Variants in C1orf21 observed in about 807,000 individuals in gnomAD.
The protein encoded by C1orf21 is chromosome 1 open reading frame 21.
Under a neutral mutation model 18.7 loss-of-function variants are expected in C1orf21, and 3 were observed. That is an observed-to-expected ratio of 0.16 (90% CI 0.07 to 0.42). The LOEUF (loss-of-function observed/expected upper bound fraction) is 0.42, where lower values mean the gene tolerates loss of function less well. Among genes scored for constraint, C1orf21 ranks in the 10% least tolerant of loss-of-function variants. C1orf21 has a pLI of 0.99. For synonymous variants in C1orf21, 41 were observed against 46.4 expected, an observed-to-expected ratio of 0.88 and a Z score of 0.47; for missense variants, 104 against 143.6, an observed-to-expected ratio of 0.72 and a Z score of 1.41.
chr1:184,462,562 C>T (rs1657323362), intron 1 of C1orf21, among the ~76,000 whole-genome samples: 1 of 152,030 alleles, frequency 6.6e-6, no homozygotes, highest in African/African-American at 2.4e-5. Flanking sequence ...GGTTACTGAA[C>T]CCTGAATTAC....
chr1:184,469,671 A>G lies in C1orf21; in HGVS notation c.-124-7715A>G, dbSNP rs1657463914. On this transcript the variant is annotated intron_variant, in intron 1 of 5. Coordinates refer to ENST00000235307, the MANE Select transcript of C1orf21 (RefSeq NM_030806.4). The stretch of plus-strand genomic sequence containing the variant: ...ACTGATAGGACATCTGTTTCACTAT[A>G]CTCTCCATCAGCAAATGCTTACGGA... Among the ~76,000 whole-genome samples the G allele has an allele frequency of 2.0e-5, 3 of 152,100 alleles. No individual in the cohort carries two copies. In the South Asian group the frequency reaches 6.2e-4, roughly 32 times the overall value.
intron 3 of C1orf21, among the ~76,000 whole-genome samples, chr1:184,515,899 C>T (rs963015106): frequency 1.3e-5 from 2 of 152,102 alleles, no homozygotes; most frequent in African/African-American, 4.8e-5. Context: ...CTGCAACCTC[C>T]GCCTCCAGGT....
At chr1:184,498,040 C>T (rs61825197) in intron 2 of C1orf21, among the ~76,000 whole-genome samples, 3 of 152,092 alleles carry the variant, frequency 2.0e-5, no homozygotes, top group South Asian at 2.1e-4. Context: ...TTCAGTGCCT[C>T]GCTGTATCTA....
intron 1 of C1orf21, among the ~76,000 whole-genome samples, chr1:184,425,245 A>G (rs1043940170): frequency 6.6e-6 from 1 of 151,864 alleles, no homozygotes; most frequent in African/African-American, 2.4e-5. Flanking sequence ...GCAAACCAGC[A>G]AATTGATGAT....
intron 5 of C1orf21, among the ~76,000 whole-genome samples, chr1:184,603,541 T>G (rs143232499): frequency 0.017 from 2,572 of 152,340 alleles, 32 homozygotes; most frequent in Non-Finnish European, 0.027. Context: ...ACGCCTATAA[T>G]CCCAACACTT....
chr1:184,578,610 A>C (rs974082600), intron 3 of C1orf21, among the ~76,000 whole-genome samples: 6 of 152,194 alleles, frequency 3.9e-5, no homozygotes, highest in African/African-American at 1.4e-4. Flanking sequence ...GCCCAGTTTA[A>C]ATCATCAATA....
At chr1:184,513,954 C>G (rs184246600) in intron 3 of C1orf21, among the ~76,000 whole-genome samples, 20 of 152,198 alleles carry the variant, frequency 1.3e-4, no homozygotes, top group African/African-American at 4.6e-4. Context: ...AATGTGCAGC[C>G]CTAGTCAGTG....
At chr1:184,427,502 G>A (rs548708163) in intron 1 of C1orf21, among the ~76,000 whole-genome samples, 1 of 152,218 alleles carries the variant, frequency 6.6e-6, no homozygotes, top group African/African-American at 2.4e-5. Context: ...TTAGGGGTAG[G>A]AAAGAAGTGA....
chr1:184,594,772 A>C (rs566277443), intron 4 of C1orf21, among the ~76,000 whole-genome samples: 2 of 152,326 alleles, frequency 1.3e-5, no homozygotes, highest in Admixed American at 1.3e-4. Context: ...TAAAGTAAGC[A>C]TATTTTAGGA....
intron 3 of C1orf21, among the ~76,000 whole-genome samples, chr1:184,571,115 A>C (rs1659103781): frequency 6.6e-6 from 1 of 151,990 alleles, no homozygotes; most frequent in African/African-American, 2.4e-5. Context: ...AAAACGGTGA[A>C]ACCCCGTCTC....
chr1:184,484,099 T>A (rs1380512299), intron 2 of C1orf21, among the ~76,000 whole-genome samples: 1 of 148,904 alleles, frequency 6.7e-6, no homozygotes, highest in African/African-American at 2.5e-5. Context: ...AATTTTTGTA[T>A]TTTTTTTTTA....
rs1205425682 is a variant in C1orf21 at position 184,625,318 on chromosome 1, T to A, written c.*5762T>A. On this transcript the variant is annotated 3_prime_UTR_variant, in exon 6 of 6. Coordinates refer to ENST00000235307, the MANE Select transcript of C1orf21 (RefSeq NM_030806.4). ...TAGGGGGACCTCTTGGCATTGACTC[T>A]AAAGGGAGAGAATAGCCCCTGTGTC... 1 of 152,532 alleles carries A rather than the reference T, an allele frequency of 6.6e-6. No homozygotes were observed. The highest frequency in any genetic ancestry group is 1.5e-5 in the Non-Finnish European group (1 of 68,026). The allele number at this position is 152,532 out of a possible 1,614,324, so 9.4% of individuals were successfully genotyped here. A position where few individuals can be genotyped will look rare whatever the true frequency, so the allele number is the denominator to read the frequency against.
chr1:184,468,007 T>A (rs935499122), intron 1 of C1orf21, among the ~76,000 whole-genome samples: 2 of 150,310 alleles, frequency 1.3e-5, no homozygotes, highest in African/African-American at 4.9e-5. Context: ...TGTGTGTGTG[T>A]GTGTGAGAGA....
chr1:184,548,548 G>A (rs1276346048), intron 3 of C1orf21, among the ~76,000 whole-genome samples: 1 of 151,594 alleles, frequency 6.6e-6, no homozygotes, highest in African/African-American at 2.4e-5. Context: ...CCTTAGAGAA[G>A]TCTACCTGGA....
At chr1:184,410,617 T>A (rs1482368982) in intron 1 of C1orf21, among the ~76,000 whole-genome samples, 2 of 21,156 alleles carry the variant, frequency 9.5e-5, no homozygotes, top group African/African-American at 5.1e-4. Context: ...GCCATATATA[T>A]TATATATATA....
chr1:184,513,618 C>T (rs1658184057), intron 3 of C1orf21, among the ~76,000 whole-genome samples: 3 of 152,250 alleles, frequency 2.0e-5, no homozygotes, highest in African/African-American at 4.8e-5. Context: ...ACTAGAACAC[C>T]TCTATGCATT....
chr1:184,454,906 A>G (rs1657176018), intron 1 of C1orf21, among the ~76,000 whole-genome samples: 1 of 152,172 alleles, frequency 6.6e-6, no homozygotes, highest in Admixed American at 6.5e-5. Flanking sequence ...GGATTAATAC[A>G]AGTATTTAAA....
chr1:184,391,099 G>A (rs1655965357), intron 1 of C1orf21, among the ~76,000 whole-genome samples: 1 of 152,122 alleles, frequency 6.6e-6, no homozygotes, highest in South Asian at 2.1e-4. Flanking sequence ...TCTCGGTTCT[G>A]AAGTTTAATT....
At chr1:184,552,556 A>T (rs1558001076) in intron 3 of C1orf21, among the ~76,000 whole-genome samples, 1 of 152,202 alleles carries the variant, frequency 6.6e-6, no homozygotes, top group Non-Finnish European at 1.5e-5. Context: ...TTATTTTCCT[A>T]GGAAGAGGGA....
Sources: gnomAD v4.1 joint callset for allele counts (sites outside exome capture counted in the v4.1 genomes callset) on GRCh38, gnomAD v4.1.1 for gene constraint, MANE v1.5 for transcripts, NCBI Gene and HGNC (gene_info 2026-07-23, HGNC 2026-07-21) for gene names.